Variants in TG observed in about 807,000 individuals in gnomAD.
The protein encoded by TG is thyroid hormones.
Under a neutral mutation model 324.7 loss-of-function variants are expected in TG, and 270 were observed. The observed-to-expected ratio is 0.83, with a 90% CI of 0.75 to 0.92. The LOEUF (loss-of-function observed/expected upper bound fraction) is 0.92. Among genes scored for constraint, TG ranks in the 40% least tolerant of loss-of-function variants. The pLI, the probability that TG is intolerant of heterozygous loss-of-function variation, is 0.00. For missense variants in TG, 3,591 were observed against 3,456.4 expected, an observed-to-expected ratio of 1.04 and a Z score of -0.98; for synonymous variants, 1,401 against 1,327.0, an observed-to-expected ratio of 1.06 and a Z score of -1.21.
chr8:133,094,288 T>C (rs1848074525), intron 41 of TG, among the ~76,000 whole-genome samples: 1 of 142,620 alleles, frequency 7.0e-6, no homozygotes, highest in Non-Finnish European at 1.5e-5. Flanking sequence ...TTTCCCAGGC[T>C]GGAGTGCAGA....
intron 35 of TG, among the ~76,000 whole-genome samples, chr8:133,004,981 G>A (rs1019384062): frequency 2.0e-5 from 3 of 152,178 alleles, no homozygotes; most frequent in African/African-American, 4.8e-5. Context: ...GGGAGGAGGC[G>A]ATAAGGATGA....
At chr8:132,984,039 GGGT>G (rs1831226063) in intron 35 of TG, among the ~76,000 whole-genome samples, 1 of 152,232 alleles carries the variant, frequency 6.6e-6, no homozygotes, top group African/African-American at 2.4e-5. Flanking sequence ...CTCTAGATGG[GGGT>G]GAGGTGGAGG....
chr8:132,994,872 A>T (rs996138142), intron 35 of TG: 3 of 1,241,900 alleles, frequency 2.4e-6, no homozygotes, highest in Admixed American at 5.3e-5. Flanking sequence ...TCTTGCTGTG[A>T]TGGAGTAAGA....
At chr8:132,898,107 G>T in intron 12 of TG, 62 bp from the exon 13 acceptor site, 1 of 1,476,958 alleles carries the variant, frequency 6.8e-7, no homozygotes, top group African/African-American at 1.4e-5. Context: ...GTTGTTTATG[G>T]GACACTCCAG....
At chr8:133,027,500 GAC>G (rs1836211268) in intron 40 of TG, among the ~76,000 whole-genome samples, 2 of 152,162 alleles carry the variant, frequency 1.3e-5, no homozygotes, top group Non-Finnish European at 2.9e-5. Flanking sequence ...CTGGAGCTGA[GAC>G]ACACAGACTG....
At chr8:133,050,191 C>G (rs1840146820) in intron 41 of TG, 3 of 573,940 alleles carry the variant, frequency 5.2e-6, no homozygotes, top group Non-Finnish European at 9.4e-6. Context: ...CCCTCCATTG[C>G]AAGCCAACTG....
At chr8:132,953,952 G>A (rs1826477629) in intron 27 of TG, among the ~76,000 whole-genome samples, 1 of 151,894 alleles carries the variant, frequency 6.6e-6, no homozygotes, top group South Asian at 2.1e-4. Context: ...TGGAAAAAAG[G>A]CAGATTAAAT....
At chr8:133,094,264 G>A (rs1848067077) in intron 41 of TG, among the ~76,000 whole-genome samples, 2 of 122,184 alleles carry the variant, frequency 1.6e-5, no homozygotes, top group Non-Finnish European at 1.8e-5. Flanking sequence ...TTTTTTTGAT[G>A]GAGTCTTGCT....
chr8:133,042,191 T>C (rs1838385708), intron 41 of TG, among the ~76,000 whole-genome samples: 1 of 152,136 alleles, frequency 6.6e-6, no homozygotes, highest in Non-Finnish European at 1.5e-5. Context: ...TCTTATTGAC[T>C]CATTCTAAAA....
Position 132,908,229 on chromosome 8 carries a change from G to C in TG, c.3891G>C (p.Gln1297His). ...CCATCCAGACCCAAGGGCACTTTCA[G>C]CTCCAGCTCCCGCCGGGCAAGATGT... The part of the protein sequence containing the change: ...WQTIQTQGHF[Q>H]LQLPPGKMCS... The change falls in exon 18 of 48, where the codon CAG becomes CAC. Residue 1297 changes from glutamine to histidine, a missense_variant. Gln to His is a conservative substitution (Grantham distance 24). Transcript: ENST00000220616. 1 of 1,614,022 alleles carries C rather than the reference G, an allele frequency of 6.2e-7. No individual in the cohort carries two copies. Among genetic ancestry groups the C allele is most frequent in the Non-Finnish European group, 8.5e-7 (1 of 1,180,000 alleles).
Position 132,897,720 on chromosome 8 carries a change from G to A in TG, c.3073G>A (p.Gly1025Ser). ...SAGASALLRSGPYMPQCDAFG... is the reference protein window; with the variant it reads ...SAGASALLRSSPYMPQCDAFG... ...TGGAGCATCCGCCCTTCTGCGGTCG[G>A]GCCCCTACATGCCACAGTGTGATGC... The change falls in exon 12 of 48, where the codon GGC becomes AGC. Residue 1025 changes from glycine (G) to serine (S), a missense_variant. Coordinates refer to ENST00000220616, the MANE Select transcript of TG (RefSeq NM_003235.5). The A allele has an allele frequency of 6.2e-7, 1 of 1,614,220 alleles. No homozygotes were observed. The highest frequency in any genetic ancestry group is 8.5e-7 in the Non-Finnish European group (1 of 1,180,042).
At chr8:132,875,250 G>A (rs1340277760) in intron 5 of TG, among the ~76,000 whole-genome samples, 2 of 152,188 alleles carry the variant, frequency 1.3e-5, no homozygotes, top group African/African-American at 4.8e-5. Context: ...TGGCCTGCCT[G>A]AGAGCAAGTA....
At chr8:133,000,148 A>G (rs760031135) in intron 35 of TG, among the ~76,000 whole-genome samples, 4 of 152,220 alleles carry the variant, frequency 2.6e-5, no homozygotes, top group Admixed American at 6.5e-5. Context: ...CAAATCCTTA[A>G]CAAATGTTAG....
chr8:133,032,266 C>A (rs749930209), intron 41 of TG, among the ~76,000 whole-genome samples: 3 of 152,296 alleles, frequency 2.0e-5, no homozygotes, highest in African/African-American at 7.2e-5. Flanking sequence ...TCTGTCCCTC[C>A]GAAGGTGATC....
chr8:132,963,832 A>G (rs1292757531), intron 29 of TG, among the ~76,000 whole-genome samples: 4 of 152,228 alleles, frequency 2.6e-5, no homozygotes, highest in Non-Finnish European at 4.4e-5. Flanking sequence ...ACAGGGGAAA[A>G]AAACGTCATG....
intron 20 of TG, among the ~76,000 whole-genome samples, chr8:132,914,439 A>G (rs985693206): frequency 3.3e-5 from 5 of 152,240 alleles, no homozygotes; most frequent in African/African-American, 1.2e-4. Flanking sequence ...GCCAAATTGT[A>G]AACTCCACGT....
intron 10 of TG, among the ~76,000 whole-genome samples, chr8:132,889,761 A>G (rs1019728815): frequency 6.6e-6 from 1 of 152,156 alleles, no homozygotes; most frequent in Non-Finnish European, 1.5e-5. Flanking sequence ...GTTGATACCA[A>G]AAGTACCTAG....
intron 43 of TG, among the ~76,000 whole-genome samples, chr8:133,110,260 C>G (rs1850151268): frequency 6.6e-6 from 1 of 152,142 alleles, no homozygotes; most frequent in African/African-American, 2.4e-5. Flanking sequence ...TGGATTCCTT[C>G]TTTATAAAGC....
intron 37 of TG, among the ~76,000 whole-genome samples, chr8:133,015,589 T>G (rs1421123942): frequency 1.3e-5 from 2 of 152,200 alleles, no homozygotes; most frequent in Non-Finnish European, 2.9e-5. Flanking sequence ...CAGGCCTGCA[T>G]TCCCCCAAAA....
Sources: allele counts gnomAD v4.1 joint callset (sites outside exome capture counted in the v4.1 genomes callset), GRCh38; gene constraint gnomAD v4.1.1; transcripts MANE v1.5; gene names NCBI Gene and HGNC (gene_info 2026-07-23, HGNC 2026-07-21).